PFKFB4: variants seen among roughly 807,000 people sequenced by gnomAD.
The protein encoded by PFKFB4 is 6-phosphofructo-2-kinase/fructose-2,6-biphosphatase 4.
Under a neutral mutation model 62.8 loss-of-function variants are expected in PFKFB4, and 42 were observed. The observed-to-expected ratio is 0.67, with a 90% CI of 0.52 to 0.86. PFKFB4 has a LOEUF of 0.86. Ranked by LOEUF, PFKFB4 falls within the 40% of genes least tolerant of loss-of-function variation. The pLI is 0.00. For missense variants in PFKFB4, 475 were observed against 627.2 expected (o/e 0.76, Z 2.59); for synonymous variants, 204 against 240.7 (o/e 0.85, Z 1.41).
upstream of PFKFB4, chr3:48,557,079 C>T: frequency 3.5e-6 from 3 of 855,970 alleles, no homozygotes; most frequent in Non-Finnish European, 4.7e-6. Flanking sequence ...CGCCCCAGTT[C>T]AAGGCCCGGA....
At chr3:48,562,964 C>T, upstream of PFKFB4, 1 of 1,606,270 alleles carries the variant, frequency 6.2e-7, no homozygotes, top group Non-Finnish European at 8.5e-7. This position sits in a 1 kb window ranked among gnomAD's most constrained non-coding sequence, Gnocchi z 4.3. Flanking sequence ...AGCCCACGGC[C>T]ATGTGGGAGC....
chr3:48,520,872 G>C (rs562000221), intron 13 of PFKFB4, among the ~76,000 whole-genome samples: 7 of 152,320 alleles, frequency 4.6e-5, no homozygotes, highest in African/African-American at 1.7e-4. Flanking sequence ...TGCCAACCCA[G>C]GGGCCTCTCT....
upstream of PFKFB4, among the ~76,000 whole-genome samples, chr3:48,557,777 T>TA (rs1233954103): frequency 1.3e-5 from 2 of 152,192 alleles, no homozygotes; most frequent in Admixed American, 1.3e-4. Flanking sequence ...CCTCAGGTGA[T>TA]ACGCCCTCCT....
chr3:48,539,864 G>A (rs992314159), intron 4 of PFKFB4, 93 bp from the exon 5 acceptor site: 7 of 940,520 alleles, frequency 7.4e-6, no homozygotes, highest in African/African-American at 4.9e-5. Flanking sequence ...CCGCAGCACA[G>A]GCTCTCTGGG....
intron 9 of PFKFB4, 51 bp from the exon 10 acceptor site, chr3:48,525,720 C>G (rs563621042): frequency 9.6e-7 from 1 of 1,038,882 alleles, no homozygotes; most frequent in African/African-American, 1.6e-5. Context: ...GAAGATGAGC[C>G]TTGGGGACAT....
upstream of PFKFB4, among the ~76,000 whole-genome samples, chr3:48,558,481 C>A (rs78216753): frequency 4.4e-3 from 675 of 152,338 alleles, 5 homozygotes; most frequent in African/African-American, 0.016. Flanking sequence ...AGGTGTAGCA[C>A]CCCCTCCCAT....
At chr3:48,541,929 A>C (rs1430077528) in intron 4 of PFKFB4, among the ~76,000 whole-genome samples, 1 of 152,060 alleles carries the variant, frequency 6.6e-6, no homozygotes, top group Non-Finnish European at 1.5e-5. Flanking sequence ...GAGACACTAC[A>C]CTCCAGCCTG....
At chr3:48,538,656 G>T (rs996127856) in intron 6 of PFKFB4, 37 bp from the exon 7 acceptor site, 8 of 1,613,314 alleles carry the variant, frequency 5.0e-6, no homozygotes, top group Non-Finnish European at 6.8e-6. Context: ...ACATATCAGG[G>T]TCAGGAGCCA....
At chr3:48,539,915 CT>C (rs2042748582) in intron 4 of PFKFB4, 144 bp from the exon 5 acceptor site, 4 of 674,172 alleles carry the variant, frequency 5.9e-6, no homozygotes, top group Non-Finnish European at 1.0e-5. Context: ...CCAGGTCCAC[CT>C]GCCTGGCCAG....
At chr3:48,543,737 G>A (rs2042873389) in intron 3 of PFKFB4, 91 bp from the exon 4 acceptor site, 1 of 936,808 alleles carries the variant, frequency 1.1e-6, no homozygotes, top group Non-Finnish European at 1.7e-6. Context: ...GACATGACAG[G>A]AGAAGGAACA....
Position 48,518,596 on chromosome 3 carries a change from A to G in PFKFB4, c.*1151T>C, listed in dbSNP as rs2041988881. On this transcript the variant is annotated 3_prime_UTR_variant, in exon 14 of 14. Transcript: ENST00000232375. ...GACAGACACTGGACTTCACAAGGCC[A>G]TTTTCACCAGACTCACGTGCACATG... 1 of 152,252 alleles carries G rather than the reference A, an allele frequency of 6.6e-6. No homozygotes were observed. The highest frequency in any genetic ancestry group is 1.5e-5 in the Non-Finnish European group (1 of 68,094). 9.4% of individuals were successfully genotyped at this position (152,252 alleles called of 1,614,324 possible). A position where few individuals can be genotyped will look rare whatever the true frequency, so the allele number is the denominator to read the frequency against.
chr3:48,558,490 A>T (rs1008512815), upstream of PFKFB4, among the ~76,000 whole-genome samples: 2 of 152,122 alleles, frequency 1.3e-5, no homozygotes, highest in East Asian at 3.9e-4. Flanking sequence ...ACCCCCTCCC[A>T]TGCCCTCCCT....
chr3:48,550,558 C>T (rs551475568), intron 1 of PFKFB4, among the ~76,000 whole-genome samples: 8 of 152,162 alleles, frequency 5.3e-5, no homozygotes, highest in South Asian at 2.1e-4. Context: ...GGGTCCCCAC[C>T]GCATGAAGGA....
chr3:48,522,891 G>C (rs2042141545), intron 12 of PFKFB4, among the ~76,000 whole-genome samples: 1 of 151,356 alleles, frequency 6.6e-6, no homozygotes, highest in Non-Finnish European at 1.5e-5. Flanking sequence ...CTCCCAAGTA[G>C]CTGGGACTAC....
At chr3:48,525,537 C>G in intron 10 of PFKFB4, 28 bp downstream of exon 10, 21 of 1,308,492 alleles carry the variant, frequency 1.6e-5, no homozygotes, top group Non-Finnish European at 2.2e-5. Flanking sequence ...CAGTAGGTGG[C>G]TGGGACTAAG....
chr3:48,525,468 C>T, intron 10 of PFKFB4, 97 bp downstream of exon 10: 1 of 597,652 alleles, frequency 1.7e-6, no homozygotes. Flanking sequence ...CTTCTGCTAC[C>T]CACGCAGCCC....
chr3:48,556,602 A>G lies in PFKFB4; in HGVS notation c.97+79T>C. The G allele has an allele frequency of 2.8e-6, 4 of 1,430,262 alleles. No homozygotes were observed. Among genetic ancestry groups the G allele is most frequent in the Non-Finnish European group, 3.8e-6 (4 of 1,061,532 alleles). 88.6% of individuals were successfully genotyped at this position (1,430,262 alleles called of 1,614,324 possible). Reference sequence around the variant, plus strand: ...CCCATCTGTCTCCCGCCCCTTCTCCATGCGAGACCCCCGCCCAGGCCGCCC... The same window carrying G: ...CCCATCTGTCTCCCGCCCCTTCTCCGTGCGAGACCCCCGCCCAGGCCGCCC... On this transcript the variant is annotated intron_variant, in intron 1 of 13. Transcript: ENST00000232375. This position sits in a 1 kb window ranked among gnomAD's most constrained non-coding sequence, Gnocchi z 5.7.
At chr3:48,539,617 T>A in intron 5 of PFKFB4, 80 bp downstream of exon 5, 1 of 1,175,922 alleles carries the variant, frequency 8.5e-7, no homozygotes, top group Non-Finnish European at 1.3e-6. Context: ...CCCTCATGCA[T>A]AAGCAGGCGG....
chr3:48,558,966 G>A (rs115315433), upstream of PFKFB4, among the ~76,000 whole-genome samples: 531 of 152,216 alleles, frequency 3.5e-3, 2 homozygotes, highest in African/African-American at 0.012. Context: ...TGTCTAACCC[G>A]CAGCACTCAT....
Sources: gnomAD v4.1 joint callset for allele counts (sites outside exome capture counted in the v4.1 genomes callset) on GRCh38, gnomAD v4.1.1 for gene constraint, Gnocchi (gnomAD v3.1) non-coding constraint, MANE v1.5 for transcripts, NCBI Gene and HGNC (gene_info 2026-07-23, HGNC 2026-07-21) for gene names.